The following UBAC1 variants were observed in gnomAD, a reference collection of about 807,000 sequenced individuals.
The protein encoded by UBAC1 is ubiquitin-associated domain-containing protein 1.
A neutral mutation model predicts 45.9 loss-of-function variants in UBAC1; 27 were observed. The observed-to-expected ratio is 0.59, with a 90% CI of 0.43 to 0.81. The LOEUF (loss-of-function observed/expected upper bound fraction) is 0.81. UBAC1 is among the 30% of genes least tolerant of loss of function. The probability of loss-of-function intolerance (pLI) is 0.00; values close to 1 mark genes in which losing one functional copy is unlikely to be tolerated. For missense variants in UBAC1, 529 were observed against 539.2 expected, an observed-to-expected ratio of 0.98 and a Z score of 0.19; for synonymous variants, 227 against 215.5, an observed-to-expected ratio of 1.05 and a Z score of -0.47.
At chr9:135,959,034 C>A (rs540106539) in intron 1 of UBAC1, among the ~76,000 whole-genome samples, 2 of 152,362 alleles carry the variant, frequency 1.3e-5, no homozygotes, top group African/African-American at 4.8e-5. Flanking sequence ...GGCTGCCTAA[C>A]TGACCCTCCG....
chr9:135,941,776 G>A (rs1432437892), intron 7 of UBAC1, among the ~76,000 whole-genome samples: 1 of 152,190 alleles, frequency 6.6e-6, no homozygotes, highest in Admixed American at 6.5e-5. Flanking sequence ...TGCCAGCTCT[G>A]CCCCCGGACA....
At chr9:135,959,983 A>T (rs1839512322) in intron 1 of UBAC1, among the ~76,000 whole-genome samples, 1 of 152,212 alleles carries the variant, frequency 6.6e-6, no homozygotes, top group Non-Finnish European at 1.5e-5. Context: ...ACTCCACAGA[A>T]CCATGCTCAC....
intron 7 of UBAC1, among the ~76,000 whole-genome samples, chr9:135,943,593 A>G (rs901851927): frequency 1.3e-5 from 2 of 152,308 alleles, no homozygotes; most frequent in Middle Eastern, 3.4e-3. Context: ...TGTCCCTGCA[A>G]TTCCATTACT....
At chr9:135,953,013 G>C (rs2131092571) in intron 3 of UBAC1, among the ~76,000 whole-genome samples, 2 of 152,328 alleles carry the variant, frequency 1.3e-5, no homozygotes, top group African/African-American at 4.8e-5. Flanking sequence ...TTTCTGTCAG[G>C]ACTGACTTGG....
chr9:135,951,340 A>G (rs1839403864), intron 3 of UBAC1, among the ~76,000 whole-genome samples: 2 of 151,194 alleles, frequency 1.3e-5, no homozygotes, highest in Admixed American at 1.3e-4. Flanking sequence ...AAATACAAAA[A>G]TTATCTGGGT....
chr9:135,933,542 G>C, intron 9 of UBAC1, 27 bp from the exon 10 acceptor site: 1 of 1,570,130 alleles, frequency 6.4e-7, no homozygotes, highest in African/African-American at 1.4e-5. Context: ...GCCAGCCTGA[G>C]TGCCCACGCC....
At chr9:135,951,053 G>A (rs757194636) in intron 3 of UBAC1, among the ~76,000 whole-genome samples, 29 of 152,182 alleles carry the variant, frequency 1.9e-4, no homozygotes, top group Admixed American at 5.9e-4. Context: ...AGGTGAGATC[G>A]TACCACACAC....
chr9:135,935,057 TTTTG>T (rs976010953), intron 9 of UBAC1, among the ~76,000 whole-genome samples: 6 of 152,110 alleles, frequency 3.9e-5, no homozygotes, highest in African/African-American at 1.4e-4. Context: ...GATTTTGTTT[TTTTG>T]TTTGTTTGCT....
chr9:135,945,763 A>G, intron 6 of UBAC1, 126 bp downstream of exon 6: 2 of 722,784 alleles, frequency 2.8e-6, no homozygotes, highest in Non-Finnish European at 4.6e-6. Flanking sequence ...GTACCTCTTC[A>G]AAACCCCACG....
At chr9:135,934,765 T>C (rs1161999049) in intron 9 of UBAC1, among the ~76,000 whole-genome samples, 1 of 152,226 alleles carries the variant, frequency 6.6e-6, no homozygotes, top group Non-Finnish European at 1.5e-5. Context: ...TCCCATTTCC[T>C]CTCAATAAAC....
intron 3 of UBAC1, 110 bp downstream of exon 3, chr9:135,953,570 G>A (rs1232387440): frequency 9.9e-6 from 8 of 811,420 alleles, no homozygotes; most frequent in East Asian, 9.5e-5. Flanking sequence ...CACCCGCCTC[G>A]GCCTCCCAAA....
intron 3 of UBAC1, among the ~76,000 whole-genome samples, chr9:135,951,523 T>C (rs1019580379): frequency 4.6e-5 from 7 of 152,124 alleles, no homozygotes; most frequent in African/African-American, 1.4e-4. Flanking sequence ...TAAAAATTAA[T>C]GTAGGCCAGG....
chr9:135,938,490 T>G (rs193019476), intron 8 of UBAC1, 130 bp from the exon 9 acceptor site: 3 of 1,187,480 alleles, frequency 2.5e-6, no homozygotes, highest in Admixed American at 5.4e-5. Context: ...CTGATCTCCC[T>G]GGAAGGGACT....
Position 135,946,273 on chromosome 9 carries a change from C to T in UBAC1, c.540G>A (p.Ala180=), listed in dbSNP as rs1355398696. Residue 180 remains alanine (A), a synonymous_variant, in exon 5 of 10, where the codon GCG becomes GCA. Coordinates refer to ENST00000371756, the MANE Select transcript of UBAC1 (RefSeq NM_016172.3). ...AGCATCGGGGTTGACTCATACCATT[C>T]GCCTTCTTAAACAATTCCACTGCAT... ...NPDAVELFKK[A]NAMLDEDEDE... 3.1e-6 allele frequency: 5 copies of T among 1,609,856 alleles called. No homozygotes were observed. In the East Asian group the frequency reaches 8.9e-5, roughly 29 times the overall value.
At chr9:135,936,817 A>G (rs1470310402) in intron 9 of UBAC1, among the ~76,000 whole-genome samples, 1 of 152,150 alleles carries the variant, frequency 6.6e-6, no homozygotes, top group Non-Finnish European at 1.5e-5. Flanking sequence ...TTAAAGGTTC[A>G]CATCTTAAAA....
At chr9:135,958,883 C>G (rs997477790) in intron 1 of UBAC1, among the ~76,000 whole-genome samples, 2 of 152,218 alleles carry the variant, frequency 1.3e-5, no homozygotes, top group Admixed American at 1.3e-4. Context: ...TACTCAGATC[C>G]TCCACACCTG....
chr9:135,937,613 TGA>T (rs1381801937), intron 9 of UBAC1, among the ~76,000 whole-genome samples: 1 of 151,620 alleles, frequency 6.6e-6, no homozygotes. Context: ...CAGCAGCAAA[TGA>T]GAGATTGTTT....
chr9:135,946,402 T>C (rs1839336504), intron 4 of UBAC1, 31 bp from the exon 5 acceptor site: 3 of 1,418,612 alleles, frequency 2.1e-6, no homozygotes, highest in Non-Finnish European at 3.0e-6. Context: ...ATCAATTCTC[T>C]AAATGTCCAC....
At chr9:135,955,172 GT>G in intron 2 of UBAC1, 122 bp downstream of exon 2, 2 of 1,047,950 alleles carry the variant, frequency 1.9e-6, no homozygotes, top group Non-Finnish European at 2.5e-6. Flanking sequence ...AGTCGATCTC[GT>G]TTTTGTGCTC....
Sources: gnomAD v4.1 joint callset for allele counts (sites outside exome capture counted in the v4.1 genomes callset) on GRCh38, gnomAD v4.1.1 for gene constraint, MANE v1.5 for transcripts, NCBI Gene and HGNC (gene_info 2026-07-23, HGNC 2026-07-21) for gene names.